SUMF1: variants seen among roughly 807,000 people sequenced by gnomAD.
The protein encoded by SUMF1 is formylglycine-generating enzyme.
In SUMF1, 48 loss-of-function variants were observed where a neutral mutation model predicts 47.6. The ratio of observed to expected loss-of-function variants is 1.01; its 90% CI spans 0.80 to 1.28. SUMF1 has a LOEUF of 1.28. Ranked by LOEUF, SUMF1 falls within the 50% of genes most tolerant of loss-of-function variation. The pLI is 0.00. For missense variants in SUMF1, 571 were observed against 485.4 expected (o/e 1.18, Z -1.66); for synonymous variants, 230 against 192.1 (o/e 1.20, Z -1.63).
chr3:4,220,650 C>A (rs1696041113), intron 8 of SUMF1, among the ~76,000 whole-genome samples: 1 of 152,000 alleles, frequency 6.6e-6, no homozygotes, highest in Admixed American at 6.6e-5. Flanking sequence ...ATGCTAAAAT[C>A]ATATCACCCT....
At chr3:4,403,445 A>G (rs1223682036) in intron 7 of SUMF1, among the ~76,000 whole-genome samples, 1 of 152,140 alleles carries the variant, frequency 6.6e-6, no homozygotes, top group African/African-American at 2.4e-5. Context: ...CCCCCAATTC[A>G]TGTTATTCAG....
chr3:4,200,638 G>A (rs189820558), intron 8 of SUMF1, among the ~76,000 whole-genome samples: 31 of 152,170 alleles, frequency 2.0e-4, no homozygotes, highest in Admixed American at 4.6e-4. Context: ...ATTCCCTAGC[G>A]TGCAGATGGC....
intron 3 of SUMF1, among the ~76,000 whole-genome samples, chr3:4,426,764 C>A (rs1000040558): frequency 2.6e-5 from 4 of 152,160 alleles, no homozygotes; most frequent in African/African-American, 9.7e-5. Context: ...ATGTGGTTGT[C>A]CACCTACACA....
At chr3:4,329,315 C>T (rs761543717) in intron 8 of SUMF1, among the ~76,000 whole-genome samples, 2 of 152,246 alleles carry the variant, frequency 1.3e-5, no homozygotes, top group Non-Finnish European at 2.9e-5. Context: ...ATCAGAGGTT[C>T]TCCATGAGGG....
intron 8 of SUMF1, among the ~76,000 whole-genome samples, chr3:4,134,305 T>C (rs1553602660): frequency 6.6e-6 from 1 of 152,026 alleles, no homozygotes; most frequent in African/African-American, 2.4e-5. Context: ...GAACTCAGGA[T>C]TAAGAAACTC....
At chr3:4,371,458 G>T (rs1700164513) in intron 8 of SUMF1, among the ~76,000 whole-genome samples, 1 of 152,144 alleles carries the variant, frequency 6.6e-6, no homozygotes. Context: ...GAGACTTTTT[G>T]GTACAAAGGG....
chr3:4,430,820 G>A (rs1057279173), intron 3 of SUMF1, among the ~76,000 whole-genome samples: 30 of 152,082 alleles, frequency 2.0e-4, no homozygotes, highest in African/African-American at 6.5e-4. Flanking sequence ...TGCTTCCTGC[G>A]GGAGGTAAGA....
Position 4,052,695 on chromosome 3 carries a change from T to C in SUMF1, c.1191+15874A>G, listed in dbSNP as rs1412005767. Among the ~76,000 whole-genome samples the C allele has an allele frequency of 4.6e-5, 7 of 152,242 alleles. No homozygotes were observed. The East Asian group carries it at 1.3e-3, about 29-fold the overall frequency. ...TGTCCACATAATCTTCTTCTCGTGA[T>C]ACCCTCAAGAGATAGGCAGAACAAT... On this transcript the variant is annotated intron_variant and NMD_transcript_variant, in intron 9 of 12. Coordinates refer to the SUMF1 transcript ENST00000448413.
intron 8 of SUMF1, among the ~76,000 whole-genome samples, chr3:4,200,717 CCTAT>C (rs1395988484): frequency 1.3e-5 from 2 of 152,042 alleles, no homozygotes; most frequent in African/African-American, 2.4e-5. Flanking sequence ...CTCTTATGTA[CCTAT>C]CTATCTGTCT....
chr3:4,363,234 T>G (rs1699828628), intron 8 of SUMF1, among the ~76,000 whole-genome samples: 1 of 152,122 alleles, frequency 6.6e-6, no homozygotes, highest in South Asian at 2.1e-4. Flanking sequence ...ATTTATGATA[T>G]TATTTATTAT....
chr3:4,187,434 AT>A (rs892305391), intron 8 of SUMF1, among the ~76,000 whole-genome samples: 110 of 150,678 alleles, frequency 7.3e-4, no homozygotes, highest in African/African-American at 2.2e-3. Flanking sequence ...CAAACATTTG[AT>A]TTTTTTTTTC....
chr3:4,272,669 G>C (rs537830089), intron 8 of SUMF1, among the ~76,000 whole-genome samples: 12 of 152,138 alleles, frequency 7.9e-5, no homozygotes, highest in Non-Finnish European at 1.6e-4. Context: ...AAAAAACACA[G>C]TGGCAAAAAG....
chr3:4,411,875 G>A (rs1225871536), intron 6 of SUMF1, among the ~76,000 whole-genome samples: 3 of 151,920 alleles, frequency 2.0e-5, no homozygotes, highest in East Asian at 1.9e-4. Flanking sequence ...TAATCCTTGG[G>A]GGTTTAAAAA....
At chr3:4,093,109 C>A (rs946536755) in intron 8 of SUMF1, among the ~76,000 whole-genome samples, 1 of 152,094 alleles carries the variant, frequency 6.6e-6, no homozygotes, top group Admixed American at 6.5e-5. Flanking sequence ...TAAGTCACCA[C>A]TTGTCCACTC....
At chr3:4,145,596 A>G (rs968910884) in intron 8 of SUMF1, among the ~76,000 whole-genome samples, 1 of 152,138 alleles carries the variant, frequency 6.6e-6, no homozygotes, top group Non-Finnish European at 1.5e-5. Context: ...CTCTGTGCAT[A>G]ATGCAGGGTT....
intron 8 of SUMF1, among the ~76,000 whole-genome samples, chr3:4,287,237 A>C (rs540381018): frequency 4.4e-4 from 67 of 152,174 alleles, no homozygotes; most frequent in Non-Finnish European, 7.1e-4. Flanking sequence ...TTAAGAATAT[A>C]AAGGGAACCT....
At chr3:4,287,407 TA>T (rs3075654) in intron 8 of SUMF1, among the ~76,000 whole-genome samples, 59 of 149,876 alleles carry the variant, frequency 3.9e-4, no homozygotes, top group Middle Eastern at 3.5e-3. Flanking sequence ...ACATAAATTG[TA>T]AAAAAAAAAA....
At chr3:4,305,451 T>G (rs540470460) in intron 8 of SUMF1, among the ~76,000 whole-genome samples, 2 of 152,112 alleles carry the variant, frequency 1.3e-5, no homozygotes, top group African/African-American at 4.8e-5. Flanking sequence ...GAGCAGGTTG[T>G]AAAATGTTTC....
At chr3:4,458,865 A>T (rs944657874) in intron 1 of SUMF1, among the ~76,000 whole-genome samples, 2 of 152,338 alleles carry the variant, frequency 1.3e-5, no homozygotes, top group South Asian at 4.1e-4. Context: ...CAAGAGAAAA[A>T]AAAAGAAGAA....
Sources: gnomAD v4.1 joint callset for allele counts (sites outside exome capture counted in the v4.1 genomes callset) on GRCh38, gnomAD v4.1.1 for gene constraint, MANE v1.5 for transcripts, NCBI Gene and HGNC (gene_info 2026-07-23, HGNC 2026-07-21) for gene names.